The following GSG1L variants were observed in gnomAD, a reference collection of about 807,000 sequenced individuals.
The protein encoded by GSG1L is germ cell-specific gene 1-like protein.
A neutral mutation model predicts 42.1 loss-of-function variants in GSG1L; 24 were observed. The ratio of observed to expected loss-of-function variants is 0.57; its 90% CI spans 0.41 to 0.80. The LOEUF is 0.80. Ranked by LOEUF, GSG1L falls within the 30% of genes least tolerant of loss-of-function variation. The pLI, the probability that GSG1L is intolerant of heterozygous loss-of-function variation, is 0.00. For missense variants in GSG1L, 445 were observed against 472.2 expected (o/e 0.94, Z 0.53); for synonymous variants, 215 against 203.5 (o/e 1.06, Z -0.48).
At chr16:28,048,600 T>C (rs977580118) in intron 1 of GSG1L, among the ~76,000 whole-genome samples, 1 of 152,162 alleles carries the variant, frequency 6.6e-6, no homozygotes, top group Non-Finnish European at 1.5e-5. Flanking sequence ...AAATTATTCT[T>C]GGATCAATGA....
At chr16:27,936,302 T>G (rs62033509) in intron 2 of GSG1L, among the ~76,000 whole-genome samples, 98 of 152,264 alleles carry the variant, frequency 6.4e-4, no homozygotes, top group Non-Finnish European at 1.2e-3. Context: ...TCTCTGCTGT[T>G]AGAGATGGAG....
intron 5 of GSG1L, among the ~76,000 whole-genome samples, chr16:27,811,602 AACCAAC>A (rs1250333934): frequency 6.6e-6 from 1 of 152,192 alleles, no homozygotes; most frequent in Non-Finnish European, 1.5e-5. Flanking sequence ...CTTGACCTTG[AACCAAC>A]CCCTCCATCC....
intron 1 of GSG1L, among the ~76,000 whole-genome samples, chr16:27,991,062 G>A (rs2085450456): frequency 6.6e-6 from 1 of 152,270 alleles, no homozygotes; most frequent in African/African-American, 2.4e-5. Flanking sequence ...AATTTATTTT[G>A]CAAATAAACT....
chr16:27,931,726 TAGG>T (rs1019564706), intron 2 of GSG1L, among the ~76,000 whole-genome samples: 1 of 152,122 alleles, frequency 6.6e-6, no homozygotes. Context: ...CACAGGTCCT[TAGG>T]AGGACAGGCC....
Position 27,960,591 on chromosome 16 carries a change from C to T in GSG1L, c.397+2565G>A, listed in dbSNP as rs1596655021. On this transcript the variant is annotated intron_variant, in intron 2 of 6. Transcript: ENST00000447459. ...CCAGTGCGGCTGGGAACAAGTCCCT[C>T]GTCTCTCTGCCCTCAGATTCCTCTG... 2.0e-5 allele frequency among the ~76,000 whole-genome samples: 3 copies of T among 152,272 alleles called. No homozygotes were observed. In the South Asian group the frequency reaches 6.2e-4, roughly 32 times the overall value.
rs148854172 is a variant in GSG1L at position 27,849,194 on chromosome 16, T to TCCCCC, written c.551-4134_551-4133insGGGGG. On this transcript the variant is annotated intron_variant, in intron 3 of 6. Transcript: ENST00000447459. ...GCCTGGGTGACAGAGTGAGCCTCTA[T>TCCCCC]CCCAAAAAGAAAAAAAAAAAAAAAA... Among the ~76,000 whole-genome samples the TCCCCC allele has an allele frequency of 7.8e-4, 35 of 45,068 alleles. 1 individual carries two copies. Among genetic ancestry groups the TCCCCC allele is most frequent in the East Asian group, 1.1e-3 (1 of 900 alleles). 29.6% of individuals were successfully genotyped at this position (45,068 alleles called of 152,430 possible).
chr16:27,928,292 C>A (rs2084617939), intron 2 of GSG1L, among the ~76,000 whole-genome samples: 1 of 150,894 alleles, frequency 6.6e-6, no homozygotes, highest in South Asian at 2.1e-4. Context: ...TAGATTCCAG[C>A]CCTTGTCCAT....
In GSG1L at chr16:27,884,634, G is replaced by A. The variant is rs906614648; in HGVS notation, c.402C>T (p.Val134=). 2 of 1,581,310 alleles carry A rather than the reference G, an allele frequency of 1.3e-6. No individual in the cohort carries two copies. The highest frequency in any genetic ancestry group is 2.7e-5 in the African/African-American group (2 of 74,164). Residue 134 remains valine (V), a synonymous_variant, in exon 3 of 7, where the codon GTC becomes GTT. Transcript: ENST00000447459. This position sits in a 1 kb window ranked among gnomAD's most constrained non-coding sequence, Gnocchi z 4.4. Reference sequence around the variant, plus strand: ...CCTCGGAGACCACAGACAGCCACAGGACCCCTGTCCAACAGAGGCAGAGAG... The same window carrying A: ...CCTCGGAGACCACAGACAGCCACAGAACCCCTGTCCAACAGAGGCAGAGAG... ...IDLAPASEKG[V]LWLSVVSEVL...
chr16:27,973,050 C>T (rs1387734229), intron 1 of GSG1L, among the ~76,000 whole-genome samples: 1 of 152,166 alleles, frequency 6.6e-6, no homozygotes, highest in Non-Finnish European at 1.5e-5. Context: ...GTCCTCCCAT[C>T]TTTCTGTGCC....
At chr16:27,994,213 C>T (rs1456272919) in intron 1 of GSG1L, among the ~76,000 whole-genome samples, 1 of 152,152 alleles carries the variant, frequency 6.6e-6, no homozygotes, top group Admixed American at 6.5e-5. Context: ...AGGAGAAAGG[C>T]TTGAACCACC....
intron 1 of GSG1L, among the ~76,000 whole-genome samples, chr16:28,011,138 G>A (rs2085712804): frequency 2.0e-5 from 3 of 152,258 alleles, no homozygotes; most frequent in Admixed American, 6.5e-5. Flanking sequence ...TTCCCCTGGA[G>A]AGTCTACGAG....
At chr16:27,949,989 C>T (rs1567532003) in intron 2 of GSG1L, among the ~76,000 whole-genome samples, 1 of 152,128 alleles carries the variant, frequency 6.6e-6, no homozygotes, top group Admixed American at 6.5e-5. Context: ...AGATTTCCAG[C>T]ATAACACAGG....
chr16:27,926,527 A>C (rs2058254295), intron 2 of GSG1L, among the ~76,000 whole-genome samples: 1 of 152,050 alleles, frequency 6.6e-6, no homozygotes, highest in Non-Finnish European at 1.5e-5. Context: ...AAACAAAAAA[A>C]CAAAAAAACA....
chr16:28,000,645 AC>A (rs1378509373), intron 1 of GSG1L, among the ~76,000 whole-genome samples: 5 of 152,082 alleles, frequency 3.3e-5, no homozygotes, highest in African/African-American at 1.2e-4. Flanking sequence ...CTTGAACAAA[AC>A]CAATACCTCT....
At chr16:27,868,321 C>A (rs1325565685) in intron 3 of GSG1L, among the ~76,000 whole-genome samples, 7 of 152,240 alleles carry the variant, frequency 4.6e-5, no homozygotes, top group Non-Finnish European at 8.8e-5. Flanking sequence ...ATCCTCAGAC[C>A]CTTCTGCAGG....
chr16:27,879,246 A>G (rs925798097), intron 3 of GSG1L, among the ~76,000 whole-genome samples: 1 of 152,214 alleles, frequency 6.6e-6, no homozygotes, highest in African/African-American at 2.4e-5. Flanking sequence ...ATTATAAATC[A>G]GTTGTCCTTT....
At chr16:27,829,837 C>T (rs2140967362) in intron 4 of GSG1L, among the ~76,000 whole-genome samples, 1 of 152,324 alleles carries the variant, frequency 6.6e-6, no homozygotes, top group East Asian at 1.9e-4. Context: ...TCAAGAAAGT[C>T]TTGCTGTCAT....
intron 2 of GSG1L, among the ~76,000 whole-genome samples, chr16:27,922,495 C>T (rs2075427970): frequency 6.6e-6 from 1 of 152,326 alleles, no homozygotes; most frequent in Non-Finnish European, 1.5e-5. Flanking sequence ...GTACCGATCA[C>T]CTCTGTGGGA....
chr16:27,963,144 G>A lies in GSG1L; in HGVS notation c.397+12C>T. ...AGCAGAGCTGCCACAGCTCAGCTGG[G>A]GTCACACTCACCTTTCTCCGATGCC... On this transcript the variant is annotated intron_variant, in intron 2 of 6. Transcript: ENST00000447459. The A allele has an allele frequency of 6.2e-7, 1 of 1,611,116 alleles. No individual in the cohort carries two copies.
Sources: gnomAD v4.1 joint callset for allele counts (sites outside exome capture counted in the v4.1 genomes callset) on GRCh38, gnomAD v4.1.1 for gene constraint, Gnocchi (gnomAD v3.1) non-coding constraint, MANE v1.5 for transcripts, NCBI Gene and HGNC (gene_info 2026-07-23, HGNC 2026-07-21) for gene names.